TTC38: variants seen among roughly 807,000 people sequenced by gnomAD.
TTC38 encodes tetratricopeptide repeat protein 38.
A neutral mutation model predicts 64.2 loss-of-function variants in TTC38; 64 were observed. The ratio of observed to expected loss-of-function variants is 1.00; its 90% CI spans 0.81 to 1.23. The LOEUF (loss-of-function observed/expected upper bound fraction) is 1.23. Among genes scored for constraint, TTC38 ranks in the 50% most tolerant of loss-of-function variants. The pLI is 0.00. For missense variants in TTC38, 573 were observed against 615.5 expected, an observed-to-expected ratio of 0.93 and a Z score of 0.73; for synonymous variants, 254 against 249.3, an observed-to-expected ratio of 1.02 and a Z score of -0.18.
Position 46,292,446 on chromosome 22 carries a change from T to G in TTC38, c.1317-345T>G. On this transcript the variant is annotated intron_variant, in intron 13 of 13. Coordinates refer to ENST00000381031, the MANE Select transcript of TTC38 (RefSeq NM_017931.4). The surrounding 1 kb of genome is among the most constrained non-coding windows in gnomAD (Gnocchi z 6.5). ...TTCTTAATACCATCACCTTGGGCATTTGGGCTTCAACATATACATTTAGCC... is the reference window on the plus strand; with the variant it reads ...TTCTTAATACCATCACCTTGGGCATGTGGGCTTCAACATATACATTTAGCC... 1 of 327,958 alleles carries G rather than the reference T, an allele frequency of 3.0e-6. No homozygotes were observed. Among genetic ancestry groups the G allele is most frequent in the Non-Finnish European group, 5.9e-6 (1 of 168,754 alleles). 20.3% of individuals were successfully genotyped at this position (327,958 alleles called of 1,614,324 possible).
intron 6 of TTC38, chr22:46,280,146 G>A (rs1174414920): frequency 8.5e-6 from 4 of 471,238 alleles, no homozygotes; most frequent in South Asian, 6.2e-5. Flanking sequence ...ATGGGGCCAG[G>A]AGTGGTAACA....
At position 46,274,969 on chromosome 22, in the gene TTC38, C is replaced by T. The variant is rs1936976024; in HGVS notation, c.366-279C>T. ...TCCCGGGTAGCTGGGATTACAGGCA[C>T]ATATCACCACACCCTGCTCATTTTT... On this transcript the variant is annotated intron_variant, in intron 4 of 13. Transcript: ENST00000381031. This position sits in a 1 kb window ranked among gnomAD's most constrained non-coding sequence, Gnocchi z 4.8. Among the ~76,000 whole-genome samples the T allele has an allele frequency of 6.6e-6, 1 of 152,114 alleles. No individual in the cohort carries two copies. The highest frequency in any genetic ancestry group is 1.5e-5 in the Non-Finnish European group (1 of 68,020).
chr22:46,285,760 C>A (rs1273224045), intron 9 of TTC38, among the ~76,000 whole-genome samples: 3 of 151,940 alleles, frequency 2.0e-5, no homozygotes, highest in Non-Finnish European at 2.9e-5. Context: ...CACCTGTAAT[C>A]CCAGTAATTT....
At position 46,291,374 on chromosome 22, in the gene TTC38, G is replaced by T. The variant is rs1205406010; in HGVS notation, c.1317-1417G>T. On this transcript the variant is annotated intron_variant, in intron 13 of 13. Transcript: ENST00000381031. This position sits in a 1 kb window ranked among gnomAD's most constrained non-coding sequence, Gnocchi z 4.6. ...CAGTGCCGATGTGGCCTTCTGCGGG[G>T]CCCAGTGGGGGAGGGCAGGGGGAGA... is the stretch of plus-strand genomic sequence containing the variant. 6.6e-5 allele frequency among the ~76,000 whole-genome samples: 10 copies of T among 152,076 alleles called. No homozygotes were observed. Among genetic ancestry groups the T allele is most frequent in the African/African-American group, 1.2e-4 (5 of 41,404 alleles).
At chr22:46,278,022 C>T (rs1028845856) in intron 5 of TTC38, among the ~76,000 whole-genome samples, 9 of 152,196 alleles carry the variant, frequency 5.9e-5, no homozygotes, top group Non-Finnish European at 1.0e-4. Context: ...GATGATTGTG[C>T]GGATGTAATG....
chr22:46,275,228 A>C lies in TTC38; in HGVS notation c.366-20A>C. 6.2e-7 allele frequency: 1 copy of C among 1,609,962 alleles called. No homozygotes were observed. The highest frequency in any genetic ancestry group is 8.5e-7 in the Non-Finnish European group (1 of 1,178,206). On this transcript the variant is annotated intron_variant, in intron 4 of 13. Transcript: ENST00000381031. This position sits in a 1 kb window ranked among gnomAD's most constrained non-coding sequence, Gnocchi z 4.5. ...GGACTATGTGTTCAGCGTTGGTGAG[A>C]AATCTTTCTCGGTTTCCAGGAACTT...
Position 46,274,147 on chromosome 22 carries a change from C to A in TTC38, c.365+78C>A. On this transcript the variant is annotated intron_variant, in intron 4 of 13. Coordinates refer to ENST00000381031, the MANE Select transcript of TTC38 (RefSeq NM_017931.4). The surrounding 1 kb of genome is among the most constrained non-coding windows in gnomAD (Gnocchi z 4.8). ...GTGGCAGGGTATCCCTTTCCTGATG[C>A]CCTTGGGACGGGGGCGGGGTGGGAG... The A allele has an allele frequency of 8.7e-7, 1 of 1,143,208 alleles. No individual in the cohort carries two copies. The highest frequency in any genetic ancestry group is 1.3e-6 in the Non-Finnish European group (1 of 793,618). The allele number at this position is 1,143,208 out of a possible 1,614,324, so 70.8% of individuals were successfully genotyped here. A position where few individuals can be genotyped will look rare whatever the true frequency, so the allele number is the denominator to read the frequency against.
At chr22:46,285,080 C>A (rs1254082558) in intron 8 of TTC38, among the ~76,000 whole-genome samples, 161 bp from the exon 9 acceptor site, 1 of 152,018 alleles carries the variant, frequency 6.6e-6, no homozygotes, top group Non-Finnish European at 1.5e-5. Flanking sequence ...CACCTTCTCC[C>A]ATCCCGAATG....
In TTC38 at chr22:46,274,286, A is replaced by C. The variant is rs1936961809; in HGVS notation, c.365+217A>C. 6.6e-6 allele frequency among the ~76,000 whole-genome samples: 1 copy of C among 152,218 alleles called. No individual in the cohort carries two copies. Among genetic ancestry groups the C allele is most frequent in the Non-Finnish European group, 1.5e-5 (1 of 68,050 alleles). ...AGCAGTTGGTGAAGATTCCCAACTTAGTGTCCAAAGTAACTTGCTTTGTTT... is the reference window on the plus strand; with the variant it reads ...AGCAGTTGGTGAAGATTCCCAACTTCGTGTCCAAAGTAACTTGCTTTGTTT... On this transcript the variant is annotated intron_variant, in intron 4 of 13. Transcript: ENST00000381031. The surrounding 1 kb of genome is among the most constrained non-coding windows in gnomAD (Gnocchi z 4.8).
chr22:46,292,312 G>T lies in TTC38; in HGVS notation c.1317-479G>T. 2.5e-6 allele frequency: 1 copy of T among 394,518 alleles called. No homozygotes were observed. Among genetic ancestry groups the T allele is most frequent in the Non-Finnish European group, 5.0e-6 (1 of 200,852 alleles). The allele number at this position is 394,518 out of a possible 1,614,324, so 24.4% of individuals were successfully genotyped here. A position where few individuals can be genotyped will look rare whatever the true frequency, so the allele number is the denominator to read the frequency against. ...AATCTTCCTGCCTCATCCTTCCATC[G>T]TGCAGGGATTACAGGGGTGAGCCAC... On this transcript the variant is annotated intron_variant, in intron 13 of 13. Transcript: ENST00000381031. This position sits in a 1 kb window ranked among gnomAD's most constrained non-coding sequence, Gnocchi z 6.5.
intron 5 of TTC38, among the ~76,000 whole-genome samples, chr22:46,277,046 TACACACACACAC>T (rs4044315): frequency 3.8e-5 from 5 of 131,332 alleles, no homozygotes; most frequent in Middle Eastern, 3.6e-3. Context: ...TATATATACA[TACACACACACAC>T]ACACACACAC....
In TTC38 at chr22:46,273,950, C is replaced by T. The variant is rs771792680; in HGVS notation, c.246C>T (p.Ser82=). 26 of 1,614,066 alleles carry T rather than the reference C, an allele frequency of 1.6e-5. No homozygotes were observed. In the East Asian group the frequency reaches 3.6e-4, roughly 22 times the overall value. The change falls in exon 4 of 14, where the codon TCC becomes TCT. Residue 82 remains serine (S), a synonymous_variant. Coordinates refer to ENST00000381031, the MANE Select transcript of TTC38 (RefSeq NM_017931.4). This position sits in a 1 kb window ranked among gnomAD's most constrained non-coding sequence, Gnocchi z 5.1. ...TGLVLIGTGS[S]VKLDKELDLA... ...TTGTGCTGATTGGCACTGGAAGCTCCGTGAAGCTGGACAAAGAGCTGGACC... is the reference window on the plus strand; with the variant it reads ...TTGTGCTGATTGGCACTGGAAGCTCTGTGAAGCTGGACAAAGAGCTGGACC...
intron 5 of TTC38, among the ~76,000 whole-genome samples, chr22:46,278,172 TACTC>T (rs1012570342): frequency 7.9e-5 from 12 of 152,278 alleles, no homozygotes; most frequent in Non-Finnish European, 1.8e-4. Flanking sequence ...AGCAGACAGG[TACTC>T]ACAGCTTTGA....
In TTC38 at chr22:46,292,360, G is replaced by A; in HGVS notation, c.1317-431G>A. 3.0e-6 allele frequency: 1 copy of A among 328,124 alleles called. No individual in the cohort carries two copies. The highest frequency in any genetic ancestry group is 2.6e-5 in the South Asian group (1 of 38,756). 20.3% of individuals were successfully genotyped at this position (328,124 alleles called of 1,614,324 possible). ...CACCACACCTATCTCTTCTTATAAG[G>A]GCACTAATCCCATTCACAAGGGCCC... On this transcript the variant is annotated intron_variant, in intron 13 of 13. Transcript: ENST00000381031. This position sits in a 1 kb window ranked among gnomAD's most constrained non-coding sequence, Gnocchi z 6.5.
chr22:46,277,439 T>C (rs1429433305), intron 5 of TTC38, among the ~76,000 whole-genome samples: 2 of 151,994 alleles, frequency 1.3e-5, no homozygotes, highest in South Asian at 2.1e-4. Flanking sequence ...ACCCCGTCTC[T>C]ACTAAAAATA....
chr22:46,283,626 C>T (rs932049327), intron 7 of TTC38, among the ~76,000 whole-genome samples: 1 of 151,976 alleles, frequency 6.6e-6, no homozygotes, highest in South Asian at 2.1e-4. Context: ...CTGAGGCGGG[C>T]GGATCACCTG....
At chr22:46,280,138 G>A (rs1430021499) in intron 6 of TTC38, 3 of 471,096 alleles carry the variant, frequency 6.4e-6, no homozygotes, top group East Asian at 6.9e-5. Context: ...AGGCTGTGAT[G>A]GGGCCAGGAG....
Position 46,276,694 on chromosome 22 carries a change from T to C in TTC38, c.539+1273T>C, listed in dbSNP as rs1323373153. 6.8e-6 allele frequency among the ~76,000 whole-genome samples: 1 copy of C among 147,918 alleles called. No individual in the cohort carries two copies. Among genetic ancestry groups the C allele is most frequent in the East Asian group, 2.0e-4 (1 of 5,128 alleles). ...GCCTGGGCAGCAGAGCAAGACTCTG[T>C]ATCTAAAAGAATATATATATTAAAA... On this transcript the variant is annotated intron_variant, in intron 5 of 13. Transcript: ENST00000381031. The surrounding 1 kb of genome is among the most constrained non-coding windows in gnomAD (Gnocchi z 4.7).
In TTC38 at chr22:46,268,581, C is replaced by T. The variant is rs1936815949; in HGVS notation, c.101C>T (p.Thr34Met). 3 of 1,613,830 alleles carry T rather than the reference C, an allele frequency of 1.9e-6. No homozygotes were observed. The highest frequency in any genetic ancestry group is 1.1e-5 in the South Asian group (1 of 91,088). Reference sequence around the variant, plus strand: ...GAAGCCTGCAAGCTGTTCGATGCCACGCTGACCCAGGTATGCCTGCCGAGA... The same window carrying T: ...GAAGCCTGCAAGCTGTTCGATGCCATGCTGACCCAGGTATGCCTGCCGAGA... ...SNEACKLFDA[T>M]LTQYVKWTND... Residue 34 changes from threonine (T) to methionine (M), a missense_variant, in exon 2 of 14, where the codon ACG (threonine) becomes ATG (methionine). By Grantham distance (81) the Thr-to-Met change is moderately conservative. Around this residue, in one of 3 missense-constraint regions of TTC38, gnomAD observed 134 missense variants for 126.5 expected, o/e 1.06. Coordinates refer to ENST00000381031, the MANE Select transcript of TTC38 (RefSeq NM_017931.4).
Sources: allele counts gnomAD v4.1 joint callset (sites outside exome capture counted in the v4.1 genomes callset), GRCh38; gene constraint gnomAD v4.1.1; regional missense constraint gnomAD v4.1.1; non-coding constraint Gnocchi (gnomAD v3.1); transcripts MANE v1.5; gene names NCBI Gene and HGNC (gene_info 2026-07-23, HGNC 2026-07-21).